ATP13A4: variants seen among roughly 807,000 people sequenced by gnomAD.
ATP13A4 encodes the protein ATPase 13A4.
A neutral mutation model predicts 142.5 loss-of-function variants in ATP13A4; 114 were observed. The observed-to-expected ratio is 0.80, with a 90% CI of 0.69 to 0.93. The LOEUF is 0.93. Among genes scored for constraint, ATP13A4 ranks in the 40% least tolerant of loss-of-function variants. The probability of loss-of-function intolerance (pLI) is 0.00; values close to 1 mark genes in which losing one functional copy is unlikely to be tolerated. For synonymous variants in ATP13A4, 488 were observed against 514.8 expected, an observed-to-expected ratio of 0.95 and a Z score of 0.70; for missense variants, 1,392 against 1,454.0, an observed-to-expected ratio of 0.96 and a Z score of 0.69.
rs1264935646 is a variant in ATP13A4, at chr3:193,399,726, GT to G, written c.*2925del. ...AGCCGGGCATGGTGGCAGACCTGTA[GT>G]CCCAGCTACTTGGGAGGCTGAGGCA... On this transcript the variant is annotated 3_prime_UTR_variant, in exon 30 of 30. Transcript: ENST00000342695. Among the ~76,000 whole-genome samples the G allele has an allele frequency of 4.0e-5, 6 of 150,914 alleles. No homozygotes were observed. The highest frequency in any genetic ancestry group is 8.8e-5 in the Non-Finnish European group (6 of 67,812).
In ATP13A4 at chr3:193,569,517, G is replaced by T. The variant is rs946470106; in HGVS notation, n.291+12190C>A. 8.8e-5 allele frequency among the ~76,000 whole-genome samples: 11 copies of T among 124,364 alleles called. No individual in the cohort carries two copies. In the South Asian group the frequency reaches 1.0e-3, roughly 12 times the overall value. The allele number at this position is 124,364 out of a possible 152,430, so 81.6% of individuals were successfully genotyped here. On this transcript the variant is annotated intron_variant and non_coding_transcript_variant, in intron 2 of 3. Coordinates refer to the ATP13A4 transcript ENST00000489140. ...AGTATTGGGTTTTTGTTTTGGTTTG[G>T]TTTTTTTGTTGTTGTTTTTGTTTTT...
chr3:193,587,448 T>C (rs948418894), intron 1 of ATP13A4, among the ~76,000 whole-genome samples: 3 of 152,212 alleles, frequency 2.0e-5, no homozygotes, highest in African/African-American at 7.2e-5. Flanking sequence ...GGATGGCATT[T>C]AGGGCCTACC....
intron 1 of ATP13A4, among the ~76,000 whole-genome samples, chr3:193,588,557 T>C (rs1427974029): frequency 6.6e-6 from 1 of 152,222 alleles, no homozygotes; most frequent in Non-Finnish European, 1.5e-5. Context: ...TACCAGGCTT[T>C]GGTTAAGGGC....
chr3:193,437,825 ATTTT>A (rs372139378), intron 23 of ATP13A4, among the ~76,000 whole-genome samples: 17 of 102,976 alleles, frequency 1.7e-4, no homozygotes, highest in Middle Eastern at 4.8e-3. Flanking sequence ...GCCAATAAAG[ATTTT>A]TTTTTTTTTT....
At chr3:193,438,369 C>T (rs1057002997) in intron 23 of ATP13A4, 106 bp downstream of exon 23, 6 of 926,956 alleles carry the variant, frequency 6.5e-6, no homozygotes, top group South Asian at 2.8e-5. Flanking sequence ...AAACACCCTC[C>T]GCACCCAGGG....
chr3:193,457,526 A>C (rs1560201176), intron 14 of ATP13A4, 61 bp from the exon 15 acceptor site: 5 of 1,487,102 alleles, frequency 3.4e-6, no homozygotes, highest in Non-Finnish European at 2.8e-6. Flanking sequence ...CACTGATGCT[A>C]TGCTTGAACC....
intron 1 of ATP13A4, among the ~76,000 whole-genome samples, chr3:193,530,571 C>T (rs921733713): frequency 5.3e-5 from 8 of 152,140 alleles, no homozygotes; most frequent in Non-Finnish European, 7.3e-5. Flanking sequence ...ATAATACTAC[C>T]GCCTTATTGG....
chr3:193,433,518 C>A (rs1716092613), intron 25 of ATP13A4, among the ~76,000 whole-genome samples: 2 of 152,114 alleles, frequency 1.3e-5, no homozygotes, highest in African/African-American at 4.8e-5. Context: ...TACATTTTAA[C>A]TATAACTGTA....
intron 21 of ATP13A4, among the ~76,000 whole-genome samples, chr3:193,439,281 G>A (rs1716482374): frequency 6.6e-6 from 1 of 152,168 alleles, no homozygotes; most frequent in Non-Finnish European, 1.5e-5. Context: ...AGTGTTTCAT[G>A]TAGACACTGC....
rs534984986 is a variant in ATP13A4, at chr3:193,475,385, G to A, written c.809-4392C>T. 2.0e-5 allele frequency among the ~76,000 whole-genome samples: 3 copies of A among 151,962 alleles called. 1 individual carries two copies. Among genetic ancestry groups the A allele is most frequent in the African/African-American group, 4.8e-5 (2 of 41,374 alleles). ...ACATAGTTACGTATGTAAAATATAC[G>A]CAGCAGGAAATACAGTTAAATACGT... On this transcript the variant is annotated intron_variant, in intron 8 of 29. Transcript: ENST00000342695.
At position 193,442,537 on chromosome 3, in the gene ATP13A4, T is replaced by G. The variant is rs371299323; in HGVS notation, c.2172A>C (p.Ala724=). 7.4e-6 allele frequency: 12 copies of G among 1,614,010 alleles called. No homozygotes were observed. The highest frequency in any genetic ancestry group is 1.0e-5 in the Non-Finnish European group (12 of 1,179,898). ...TTCCAGATTTTCTGGCCACTGTTATTGCAGTCTGAAGATTGTCACCTAGAG... is the reference window on the plus strand; with the variant it reads ...TTCCAGATTTTCTGGCCACTGTTATGGCAGTCTGAAGATTGTCACCTAGAG... ...VMITGDNLQT[A]ITVARKSGMV... The change falls in exon 19 of 30, where the codon GCA becomes GCC. Residue 724 remains alanine (A), a synonymous_variant. Transcript: ENST00000342695.
chr3:193,533,672 C>G (rs1291524041), intron 1 of ATP13A4, among the ~76,000 whole-genome samples: 2 of 152,158 alleles, frequency 1.3e-5, no homozygotes, highest in South Asian at 2.1e-4. Context: ...AATAACCACT[C>G]TACTCTAGGT....
At chr3:193,542,147 T>C (rs1187392756) in intron 1 of ATP13A4, among the ~76,000 whole-genome samples, 1 of 152,154 alleles carries the variant, frequency 6.6e-6, no homozygotes, top group Non-Finnish European at 1.5e-5. Flanking sequence ...ACAAAATCAA[T>C]GTGCAAAAAT....
chr3:193,478,759 A>G (rs573994422), intron 8 of ATP13A4, among the ~76,000 whole-genome samples: 1 of 152,224 alleles, frequency 6.6e-6, no homozygotes, highest in African/African-American at 2.4e-5. Context: ...TCCTCCCTAA[A>G]TCATTTTTTG....
intron 8 of ATP13A4, among the ~76,000 whole-genome samples, chr3:193,474,765 GAA>G (rs1367667240): frequency 6.6e-6 from 1 of 151,518 alleles, no homozygotes; most frequent in Non-Finnish European, 1.5e-5. Flanking sequence ...GAAAGAAAGA[GAA>G]AGAAAGAAAG....
At chr3:193,467,573 A>AT (rs1234029859) in intron 9 of ATP13A4, 87 bp from the exon 10 acceptor site, 53 of 1,398,394 alleles carry the variant, frequency 3.8e-5, no homozygotes, top group East Asian at 2.7e-4. Context: ...TACAACAGAC[A>AT]TTTTTTTTGT....
intron 25 of ATP13A4, among the ~76,000 whole-genome samples, chr3:193,420,006 C>T (rs1344132495): frequency 6.7e-6 from 1 of 149,884 alleles, no homozygotes; most frequent in Non-Finnish European, 1.5e-5. Flanking sequence ...AACTTCGTTG[C>T]CATTATATCC....
At chr3:193,439,276 T>C (rs1457066404) in intron 21 of ATP13A4, among the ~76,000 whole-genome samples, 5 of 152,184 alleles carry the variant, frequency 3.3e-5, no homozygotes, top group Non-Finnish European at 5.9e-5. Context: ...CTGTAAGTGT[T>C]TCATGTAGAC....
chr3:193,424,326 A>C (rs1175824145), intron 25 of ATP13A4, among the ~76,000 whole-genome samples: 1 of 148,972 alleles, frequency 6.7e-6, no homozygotes, highest in African/African-American at 2.5e-5. Context: ...AAATAGAAAA[A>C]AAAATCCTAA....
Sources: allele counts gnomAD v4.1 joint callset (sites outside exome capture counted in the v4.1 genomes callset), GRCh38; gene constraint gnomAD v4.1.1; transcripts MANE v1.5; gene names NCBI Gene and HGNC (gene_info 2026-07-23, HGNC 2026-07-21).